Variants in PUDP observed in about 807,000 individuals in gnomAD.
PUDP encodes pseudouridine 5'-phosphatase.
Under a neutral mutation model 9.4 loss-of-function variants are expected in PUDP, and 8 were observed. The observed-to-expected ratio is 0.85, with a 90% CI of 0.50 to 1.53. The LOEUF is 1.53. Among genes scored for constraint, PUDP ranks in the 40% most tolerant of loss-of-function variants. The pLI, the probability that PUDP is intolerant of heterozygous loss-of-function variation, is 0.00. For synonymous variants in PUDP, 99 were observed against 80.7 expected (o/e 1.23, Z -1.22); for missense variants, 188 against 189.7 (o/e 0.99, Z 0.05).
At chrX:6,728,489 T>A (rs1924770504) in intron 3 of PUDP, among the ~76,000 whole-genome samples, 1 of 111,952 alleles carries the variant, frequency 8.9e-6, no homozygotes, top group Admixed American at 9.5e-5. Context: ...TACTTTATGT[T>A]ATTGGACAAT....
chrX:7,018,556 G>A (rs1929584120), intron 1 of PUDP, among the ~76,000 whole-genome samples: 2 of 112,199 alleles, frequency 1.8e-5, no homozygotes, highest in African/African-American at 6.5e-5. Context: ...ATTGTTTACA[G>A]ATCAGGCCAT....
intron 3 of PUDP, among the ~76,000 whole-genome samples, chrX:6,796,920 T>C (rs1892570929): frequency 8.9e-6 from 1 of 112,326 alleles, no homozygotes. Context: ...TTCATCATTG[T>C]AGTCTCTGTT....
chrX:6,961,298 A>T (rs1264887054), intron 3 of PUDP, among the ~76,000 whole-genome samples: 1 of 110,843 alleles, frequency 9.0e-6, no homozygotes, highest in Non-Finnish European at 1.9e-5. Flanking sequence ...AGGTGAGAGT[A>T]TCACCTGAGC....
At chrX:6,810,846 C>T (rs1159737751) in intron 3 of PUDP, among the ~76,000 whole-genome samples, 1 of 111,751 alleles carries the variant, frequency 8.9e-6, no homozygotes, top group Non-Finnish European at 1.9e-5. Context: ...CTATTGCTGT[C>T]CCCAACTCTG....
chrX:6,844,627 C>G, intron 3 of PUDP, among the ~76,000 whole-genome samples: 1 of 111,873 alleles, frequency 8.9e-6, no homozygotes, highest in Non-Finnish European at 1.9e-5. Flanking sequence ...TAAACAGAAC[C>G]AATAGGATAT....
intron 3 of PUDP, among the ~76,000 whole-genome samples, chrX:6,736,696 T>C (rs184007012): frequency 8.9e-6 from 1 of 111,743 alleles, no homozygotes; most frequent in African/African-American, 3.2e-5. Context: ...ATCATGTCCA[T>C]TGCACCAACA....
At chrX:6,865,520 T>C (rs958157140) in intron 3 of PUDP, among the ~76,000 whole-genome samples, 2 of 112,278 alleles carry the variant, frequency 1.8e-5, no homozygotes, top group Non-Finnish European at 3.8e-5. Context: ...AACCACAAAC[T>C]CAACAGTAGA....
chrX:6,924,112 C>T (rs112234248), intron 3 of PUDP, among the ~76,000 whole-genome samples: 7 of 111,409 alleles, frequency 6.3e-5, no homozygotes, highest in African/African-American at 2.3e-4. Flanking sequence ...ATGTCAACCC[C>T]AGCCCTGACA....
chrX:6,840,231 C>T (rs778183044), intron 3 of PUDP, among the ~76,000 whole-genome samples: 5 of 111,847 alleles, frequency 4.5e-5, no homozygotes, highest in African/African-American at 1.3e-4. Context: ...ACGTGACTTT[C>T]GCCTTCTGCC....
chrX:6,736,934 G>A (rs1290853094), intron 3 of PUDP, among the ~76,000 whole-genome samples: 1 of 111,606 alleles, frequency 9.0e-6, no homozygotes, highest in Non-Finnish European at 1.9e-5. Flanking sequence ...GAAATAATCT[G>A]TATACAAAAC....
intron 3 of PUDP, among the ~76,000 whole-genome samples, chrX:6,976,744 T>C (rs1928962236): frequency 8.9e-6 from 1 of 111,909 alleles, no homozygotes; most frequent in Non-Finnish European, 1.9e-5. Flanking sequence ...TGGGTTCCAC[T>C]TAAAGAACAA....
At chrX:6,747,600 T>C (rs887515731) in intron 3 of PUDP, among the ~76,000 whole-genome samples, 2 of 112,231 alleles carry the variant, frequency 1.8e-5, no homozygotes, top group South Asian at 3.7e-4. Context: ...AGTTTAATCT[T>C]TGAAGTACTT....
chrX:7,055,195 A>T (rs1930205072), intron 3 of PUDP, among the ~76,000 whole-genome samples: 1 of 110,948 alleles, frequency 9.0e-6, no homozygotes, highest in Non-Finnish European at 1.9e-5. Flanking sequence ...AAGCAGAACA[A>T]CTACTGTGTC....
At chrX:7,058,839 C>T (rs1930319762) in intron 3 of PUDP, among the ~76,000 whole-genome samples, 2 of 111,660 alleles carry the variant, frequency 1.8e-5, no homozygotes, top group South Asian at 7.6e-4. Context: ...ATCCATCCCT[C>T]CCTTCCTCCT....
At chrX:7,124,763 G>A (rs764608452) in intron 1 of PUDP, among the ~76,000 whole-genome samples, 151 of 110,627 alleles carry the variant, frequency 1.4e-3, no homozygotes, top group Non-Finnish European at 2.4e-3. Flanking sequence ...TGGCTAACAC[G>A]GTGAAACCCT....
chrX:6,845,441 C>A (rs1464109989), intron 3 of PUDP, among the ~76,000 whole-genome samples: 2 of 111,958 alleles, frequency 1.8e-5, no homozygotes, highest in African/African-American at 6.5e-5. Flanking sequence ...GTATGACAAT[C>A]AACCTCGCAG....
rs749134329 is a variant in PUDP at position 6,858,859 on chromosome X, C to T, written c.*247+118274G>A. 1.8e-4 allele frequency among the ~76,000 whole-genome samples: 20 copies of T among 111,340 alleles called. No homozygotes were observed. The East Asian group carries it at 3.1e-3, about 17-fold the overall frequency. ...CTGAGCTAACTTTGGATGATTAGCA[C>T]GAAAGCTGAATGGCAGTACACTCAG... is the stretch of plus-strand genomic sequence containing the variant. On this transcript the variant is annotated intron_variant and NMD_transcript_variant, in intron 3 of 3. Transcript: ENST00000655425.
chrX:6,884,498 C>T (rs1036168545), intron 3 of PUDP, among the ~76,000 whole-genome samples: 3 of 111,854 alleles, frequency 2.7e-5, no homozygotes, highest in Non-Finnish European at 3.8e-5. Context: ...CCAGATTAAT[C>T]TCTATTTTTA....
chrX:6,740,052 T>A (rs1924917324), intron 3 of PUDP, among the ~76,000 whole-genome samples: 2 of 111,638 alleles, frequency 1.8e-5, no homozygotes, highest in African/African-American at 3.3e-5. Context: ...TTTTTACTAT[T>A]CCCTATTCCT....
Sources: gnomAD v4.1 joint callset for allele counts (sites outside exome capture counted in the v4.1 genomes callset) on GRCh38, gnomAD v4.1.1 for gene constraint, MANE v1.5 for transcripts, NCBI Gene and HGNC (gene_info 2026-07-23, HGNC 2026-07-21) for gene names.